SORCS1: variants seen among roughly 807,000 people sequenced by gnomAD.
SORCS1 encodes the protein sortilin related VPS10 domain containing receptor 1, also known as VPS10 domain-containing receptor SorCS1.
A neutral mutation model predicts 146.1 loss-of-function variants in SORCS1; 60 were observed. The ratio of observed to expected loss-of-function variants is 0.41; its 90% CI spans 0.33 to 0.51. The LOEUF is 0.51. Ranked by LOEUF, SORCS1 falls within the 20% of genes least tolerant of loss-of-function variation. The probability of loss-of-function intolerance (pLI) is 0.21; values close to 1 mark genes in which losing one functional copy is unlikely to be tolerated. For synonymous variants in SORCS1, 637 were observed against 584.0 expected, an observed-to-expected ratio of 1.09 and a Z score of -1.31; for missense variants, 1,352 against 1,487.6, an observed-to-expected ratio of 0.91 and a Z score of 1.50.
upstream of SORCS1, among the ~76,000 whole-genome samples, chr10:107,166,393 C>G (rs147141454): frequency 2.9e-3 from 448 of 152,296 alleles, 2 homozygotes; most frequent in African/African-American, 0.01. Context: ...CTTGTTCTTA[C>G]GACCAGCGCA....
chr10:106,892,100 G>T (rs1218380988), intron 2 of SORCS1, among the ~76,000 whole-genome samples: 4 of 152,116 alleles, frequency 2.6e-5, no homozygotes, highest in Non-Finnish European at 5.9e-5. Flanking sequence ...AAGGTTCCTG[G>T]CATTTTATAA....
intron 2 of SORCS1, among the ~76,000 whole-genome samples, chr10:106,840,711 T>C (rs1190352302): frequency 6.6e-6 from 1 of 151,870 alleles, no homozygotes; most frequent in Non-Finnish European, 1.5e-5. Flanking sequence ...GGAAACTTTA[T>C]TGTTATTTTA....
intron 2 of SORCS1, among the ~76,000 whole-genome samples, chr10:106,924,466 GATCT>G (rs35692327): frequency 0.18 from 23,363 of 130,584 alleles, 2,376 homozygotes; most frequent in African/African-American, 0.23. Flanking sequence ...CACAGTTATC[GATCT>G]ATCTATCTAT....
intron 15 of SORCS1, 94 bp downstream of exon 15, chr10:106,672,774 G>T: frequency 1.0e-6 from 1 of 998,840 alleles, no homozygotes; most frequent in Non-Finnish European, 1.5e-6. Flanking sequence ...TTTTGGCCTA[G>T]AGCATCCTAG....
intron 17 of SORCS1, among the ~76,000 whole-genome samples, chr10:106,653,317 T>A (rs1850024057): frequency 6.6e-6 from 1 of 152,212 alleles, no homozygotes; most frequent in Admixed American, 6.5e-5. Context: ...CATTATCGTT[T>A]TATACTGTTG....
chr10:106,940,414 G>A (rs1285543755), intron 2 of SORCS1, among the ~76,000 whole-genome samples: 2 of 152,200 alleles, frequency 1.3e-5, no homozygotes, highest in African/African-American at 2.4e-5. Flanking sequence ...ATACAAAAAT[G>A]AAGAAGGTAG....
At chr10:106,685,084 T>G (rs1332996179) in intron 10 of SORCS1, among the ~76,000 whole-genome samples, 1 of 152,228 alleles carries the variant, frequency 6.6e-6, no homozygotes, top group Admixed American at 6.5e-5. Flanking sequence ...TTCTTCCATC[T>G]TAATGAGCTT....
At chr10:106,809,147 G>C (rs1947332737) in intron 3 of SORCS1, among the ~76,000 whole-genome samples, 1 of 151,256 alleles carries the variant, frequency 6.6e-6, no homozygotes, top group Non-Finnish European at 1.5e-5. Flanking sequence ...TTTTTGTTTT[G>C]TTTTGTTTTT....
At chr10:107,095,357 C>T (rs927707241) in intron 1 of SORCS1, among the ~76,000 whole-genome samples, 6 of 152,194 alleles carry the variant, frequency 3.9e-5, no homozygotes, top group Non-Finnish European at 8.8e-5. Flanking sequence ...AGCCTGCAAA[C>T]AACCGAAGGG....
intron 2 of SORCS1, among the ~76,000 whole-genome samples, chr10:106,911,896 A>G (rs1488780106): frequency 6.6e-6 from 1 of 152,090 alleles, no homozygotes; most frequent in African/African-American, 2.4e-5. Flanking sequence ...GTGGATCACG[A>G]GGTCAGGAGA....
chr10:106,790,862 T>C (rs1946284516), intron 3 of SORCS1, among the ~76,000 whole-genome samples: 2 of 152,192 alleles, frequency 1.3e-5, no homozygotes, highest in Non-Finnish European at 2.9e-5. Context: ...GTCATATTAT[T>C]TGCTTTAAAG....
Position 106,577,387 on chromosome 10 carries a change from C to T in SORCS1, c.*33G>A. 1 of 1,613,548 alleles carries T rather than the reference C, an allele frequency of 6.2e-7. No individual in the cohort carries two copies. Among genetic ancestry groups the T allele is most frequent in the South Asian group, 1.1e-5 (1 of 91,014 alleles). The stretch of plus-strand genomic sequence containing the variant: ...GACAAGAGCGAAATTCTTTCCTGAT[C>T]AGCAGGTCGCCTGTAGCCTTTGGGG... On this transcript the variant is annotated 3_prime_UTR_variant, in exon 26 of 26. Transcript: ENST00000263054.
At chr10:106,767,184 A>C (rs558522238) in intron 4 of SORCS1, among the ~76,000 whole-genome samples, 3 of 152,320 alleles carry the variant, frequency 2.0e-5, no homozygotes, top group Non-Finnish European at 4.4e-5. Flanking sequence ...GGCTTTGCTG[A>C]TGAAGGCTGG....
At chr10:106,779,511 C>G (rs937805292) in intron 3 of SORCS1, among the ~76,000 whole-genome samples, 1 of 146,018 alleles carries the variant, frequency 6.8e-6, no homozygotes, top group Non-Finnish European at 1.5e-5. Flanking sequence ...GGATTTTATT[C>G]TGGTTTTTTC....
chr10:106,748,468 C>A (rs1274810973), intron 5 of SORCS1, among the ~76,000 whole-genome samples: 1 of 151,964 alleles, frequency 6.6e-6, no homozygotes, highest in Non-Finnish European at 1.5e-5. Flanking sequence ...GCTCCACAGA[C>A]CAGCGATTCC....
At chr10:106,680,462 C>G (rs1852353458) in intron 10 of SORCS1, among the ~76,000 whole-genome samples, 1 of 152,192 alleles carries the variant, frequency 6.6e-6, no homozygotes, top group South Asian at 2.1e-4. Flanking sequence ...CGCCAGACAA[C>G]TGACCCAGTA....
chr10:106,789,124 C>T (rs765441013), intron 3 of SORCS1, among the ~76,000 whole-genome samples: 21 of 152,178 alleles, frequency 1.4e-4, no homozygotes, highest in East Asian at 1.9e-4. Flanking sequence ...CTTTCAGCCA[C>T]GCCTGCGACA....
chr10:106,733,530 G>T (rs942534124), intron 5 of SORCS1, among the ~76,000 whole-genome samples: 1 of 152,178 alleles, frequency 6.6e-6, no homozygotes, highest in Non-Finnish European at 1.5e-5. Flanking sequence ...TGACCCAAAT[G>T]ATATCATTAC....
intron 10 of SORCS1, among the ~76,000 whole-genome samples, chr10:106,683,137 A>C (rs1852568299): frequency 6.6e-6 from 1 of 152,230 alleles, no homozygotes; most frequent in African/African-American, 2.4e-5. Flanking sequence ...GCAAACCCCG[A>C]AACCCATAAG....
Sources: gnomAD v4.1 joint callset for allele counts (sites outside exome capture counted in the v4.1 genomes callset) on GRCh38, gnomAD v4.1.1 for gene constraint, MANE v1.5 for transcripts, NCBI Gene and HGNC (gene_info 2026-07-23, HGNC 2026-07-21) for gene names.